DPP10: variants seen among roughly 807,000 people sequenced by gnomAD.
DPP10 encodes inactive dipeptidyl peptidase 10.
A neutral mutation model predicts 120.9 loss-of-function variants in DPP10; 33 were observed. The observed-to-expected ratio is 0.27, with a 90% confidence interval of 0.21 to 0.37. The LOEUF (loss-of-function observed/expected upper bound fraction) is 0.37. Ranked by LOEUF, DPP10 falls within the 10% of genes least tolerant of loss-of-function variation. DPP10 has a pLI of 1.00. For synonymous variants in DPP10, 337 were observed against 326.1 expected, an observed-to-expected ratio of 1.03 and a Z score of -0.36; for missense variants, 816 against 942.8, an observed-to-expected ratio of 0.87 and a Z score of 1.76.
Position 115,731,686 on chromosome 2 carries a change from TG to T in DPP10, c.697+3751del, listed in dbSNP as rs1427123329. On this transcript the variant is annotated intron_variant, in intron 8 of 25. Transcript: ENST00000410059. Reference sequence around the variant, plus strand: ...GTCTACTCTACTTGTTATAGGGGGATGTCCTTCACTGTTCCCCAAGACACAA... The same window carrying T: ...GTCTACTCTACTTGTTATAGGGGGATTCCTTCACTGTTCCCCAAGACACAA... 3.3e-5 allele frequency among the ~76,000 whole-genome samples: 5 copies of T among 152,286 alleles called. No individual in the cohort carries two copies. In the South Asian group the frequency reaches 1.0e-3, roughly 32 times the overall value.
intron 2 of DPP10, among the ~76,000 whole-genome samples, chr2:115,330,920 G>T (rs1375518487): frequency 1.3e-5 from 2 of 151,964 alleles, no homozygotes; most frequent in Non-Finnish European, 2.9e-5. Flanking sequence ...CTCTTTTTTG[G>T]TTCCATATGA....
At chr2:115,596,619 A>G (rs1362458038) in intron 5 of DPP10, among the ~76,000 whole-genome samples, 1 of 152,150 alleles carries the variant, frequency 6.6e-6, no homozygotes, top group Non-Finnish European at 1.5e-5. Flanking sequence ...CCAAATGTGC[A>G]ATTCTAAAGG....
intron 1 of DPP10, among the ~76,000 whole-genome samples, chr2:114,895,441 C>T (rs1001948206): frequency 2.6e-5 from 4 of 152,152 alleles, no homozygotes; most frequent in Non-Finnish European, 5.9e-5. Context: ...TCCATTGGAA[C>T]ATGCACAAGA....
intron 3 of DPP10, among the ~76,000 whole-genome samples, chr2:115,354,909 C>T (rs773587448): frequency 1.5e-4 from 23 of 152,126 alleles, no homozygotes; most frequent in African/African-American, 3.1e-4. Flanking sequence ...CGTAGCATTC[C>T]GTGGTATATA....
At chr2:114,971,299 AT>A (rs1480385048) in intron 1 of DPP10, among the ~76,000 whole-genome samples, 1 of 152,016 alleles carries the variant, frequency 6.6e-6, no homozygotes, top group East Asian at 1.9e-4. Context: ...TTAACTTTCT[AT>A]TTTTTTAAAT....
At chr2:115,741,546 A>G (rs1427570813) in intron 9 of DPP10, among the ~76,000 whole-genome samples, 2 of 151,976 alleles carry the variant, frequency 1.3e-5, no homozygotes, top group East Asian at 3.9e-4. Flanking sequence ...TTGATTTATG[A>G]TAATAAATGT....
intron 3 of DPP10, among the ~76,000 whole-genome samples, chr2:115,348,758 A>G (rs1444735953): frequency 6.6e-6 from 1 of 152,190 alleles, no homozygotes; most frequent in Non-Finnish European, 1.5e-5. Flanking sequence ...GTGGACAAAC[A>G]TACCATCATG....
intron 1 of DPP10, among the ~76,000 whole-genome samples, chr2:114,555,036 A>G (rs1326864165): frequency 4.6e-5 from 7 of 152,202 alleles, no homozygotes; most frequent in Non-Finnish European, 8.8e-5. Context: ...GCTGAAAAAG[A>G]AATGCCAAAG....
intron 1 of DPP10, among the ~76,000 whole-genome samples, chr2:114,518,439 A>T (rs755700300): frequency 6.6e-6 from 1 of 152,100 alleles, no homozygotes; most frequent in Non-Finnish European, 1.5e-5. Context: ...GGACTGACAG[A>T]TTCTGTCCTT....
At chr2:115,083,186 G>A (rs768977254) in intron 1 of DPP10, among the ~76,000 whole-genome samples, 31 of 151,972 alleles carry the variant, frequency 2.0e-4, no homozygotes, top group Non-Finnish European at 2.6e-4. Context: ...TTAGGTTTCC[G>A]TCTTTTTCTT....
At chr2:115,609,452 A>G (rs2083940091) in intron 5 of DPP10, among the ~76,000 whole-genome samples, 1 of 152,154 alleles carries the variant, frequency 6.6e-6, no homozygotes, top group Non-Finnish European at 1.5e-5. Context: ...TAGTGAAGGG[A>G]TATTCCAGGA....
At chr2:115,737,643 C>T (rs192046383) in intron 8 of DPP10, among the ~76,000 whole-genome samples, 25 of 152,194 alleles carry the variant, frequency 1.6e-4, no homozygotes, top group African/African-American at 5.3e-4. Flanking sequence ...AGATCAGTTG[C>T]AAGGCCCCCT....
chr2:115,286,818 G>A (rs918657420), intron 1 of DPP10, among the ~76,000 whole-genome samples: 2 of 151,594 alleles, frequency 1.3e-5, no homozygotes, highest in African/African-American at 4.8e-5. Flanking sequence ...TAATTTAGAT[G>A]TGCTTTTGAT....
chr2:114,583,310 T>C (rs976489442), intron 1 of DPP10, among the ~76,000 whole-genome samples: 21 of 152,266 alleles, frequency 1.4e-4, no homozygotes, highest in Non-Finnish European at 8.8e-5. Flanking sequence ...GCCTATGGCC[T>C]AGTGGTCTTC....
chr2:114,949,247 A>G (rs1697594564), intron 1 of DPP10, among the ~76,000 whole-genome samples: 2 of 152,018 alleles, frequency 1.3e-5, no homozygotes, highest in African/African-American at 4.8e-5. Context: ...TAAACCATCA[A>G]GTCTCCTGAG....
intron 2 of DPP10, among the ~76,000 whole-genome samples, chr2:115,341,320 T>G (rs1337609527): frequency 6.6e-6 from 1 of 152,032 alleles, no homozygotes; most frequent in Non-Finnish European, 1.5e-5. Context: ...CAAAATTGAG[T>G]GAAAGGTACA....
intron 3 of DPP10, among the ~76,000 whole-genome samples, chr2:115,383,811 C>G (rs890378350): frequency 6.6e-6 from 1 of 152,064 alleles, no homozygotes; most frequent in African/African-American, 2.4e-5. Flanking sequence ...CTCTTTCTTT[C>G]TTGTTCCAAC....
intron 1 of DPP10, among the ~76,000 whole-genome samples, chr2:114,685,498 T>C (rs13430153): frequency 0.15 from 22,587 of 152,006 alleles, 2,051 homozygotes; most frequent in African/African-American, 0.25. Flanking sequence ...CTCTGAAGCC[T>C]GAGACAATTT....
At chr2:114,761,635 C>T (rs1481754346) in intron 1 of DPP10, among the ~76,000 whole-genome samples, 5 of 152,140 alleles carry the variant, frequency 3.3e-5, no homozygotes, top group African/African-American at 1.2e-4. Flanking sequence ...ACTTGAGGAG[C>T]AGCGGGGAAC....
Sources: allele counts gnomAD v4.1 joint callset (sites outside exome capture counted in the v4.1 genomes callset), GRCh38; gene constraint gnomAD v4.1.1; transcripts MANE v1.5; gene names NCBI Gene and HGNC (gene_info 2026-07-23, HGNC 2026-07-21).